AMY2B: variants seen among roughly 807,000 people sequenced by gnomAD.
The protein encoded by AMY2B is amylase alpha 2B.
In AMY2B, 63 loss-of-function variants were observed where a neutral mutation model predicts 59.3. The ratio of observed to expected loss-of-function variants is 1.06; its 90% CI spans 0.87 to 1.31. The LOEUF is 1.31. Ranked by LOEUF, AMY2B falls within the 50% of genes most tolerant of loss-of-function variation. The pLI is 0.00. For missense variants in AMY2B, 635 were observed against 626.7 expected (o/e 1.01, Z -0.14); for synonymous variants, 180 against 198.1 (o/e 0.91, Z 0.77).
upstream of AMY2B, chr1:103,569,633 C>A (rs1038835859): frequency 2.5e-6 from 1 of 401,432 alleles, no homozygotes; most frequent in East Asian, 7.9e-5. Flanking sequence ...ACGACAACCC[C>A]CAGCCATGTT....
intron 1 of AMY2B, among the ~76,000 whole-genome samples, chr1:103,560,080 C>G (rs1187182701): frequency 6.6e-6 from 1 of 152,052 alleles, no homozygotes; most frequent in East Asian, 1.9e-4. Context: ...TTAAAAGACT[C>G]AACTTCTGAC....
intron 2 of AMY2B, 92 bp downstream of exon 2, chr1:103,572,348 TA>T (rs1434342528): frequency 2.9e-5 from 44 of 1,529,352 alleles, no homozygotes; most frequent in Non-Finnish European, 3.8e-5. Flanking sequence ...AAGTTTTCCA[TA>T]TTTTATTTTT....
At chr1:103,564,871 C>T (rs190780329) in intron 1 of AMY2B, among the ~76,000 whole-genome samples, 43 of 152,132 alleles carry the variant, frequency 2.8e-4, no homozygotes, top group Admixed American at 2.0e-3. Flanking sequence ...CCATATTCAT[C>T]GGTTTCTCTA....
At chr1:103,571,893 T>A in intron 1 of AMY2B, 123 bp downstream of exon 1, 3 of 1,587,866 alleles carry the variant, frequency 1.9e-6, no homozygotes, top group Non-Finnish European at 1.7e-6. Context: ...AGTAAGAGTT[T>A]TCTGAGGAAA....
At chr1:103,577,080 T>G (rs570395492) in intron 7 of AMY2B, among the ~76,000 whole-genome samples, 1 of 152,126 alleles carries the variant, frequency 6.6e-6, no homozygotes, top group African/African-American at 2.4e-5. Context: ...ACTGAAAATT[T>G]TTTAAAAATT....
intron 1 of AMY2B, among the ~76,000 whole-genome samples, chr1:103,563,077 T>TG (rs1651787091): frequency 6.6e-6 from 1 of 152,068 alleles, no homozygotes; most frequent in African/African-American, 2.4e-5. Context: ...ACTGGCTAAT[T>TG]TTGAGTTAAT....
chr1:103,576,534 C>G (rs1652360894), intron 7 of AMY2B, among the ~76,000 whole-genome samples: 1 of 152,102 alleles, frequency 6.6e-6, no homozygotes, highest in Non-Finnish European at 1.5e-5. Context: ...CACCATATGA[C>G]ATAATTCTAA....
At chr1:103,557,008 C>G (rs548805385) in intron 1 of AMY2B, among the ~76,000 whole-genome samples, 1 of 151,896 alleles carries the variant, frequency 6.6e-6, no homozygotes, top group African/African-American at 2.4e-5. Flanking sequence ...CTAAGAGATA[C>G]AACTGATGAT....
chr1:103,572,379 TA>T lies in AMY2B; in HGVS notation c.315+127del, dbSNP rs1482413838. ...ATTTTTTTAATTTTACTTCATACTTTAAAACTCAAAATTAACCGTTGCCTTA... is the reference window on the plus strand; with the variant it reads ...ATTTTTTTAATTTTACTTCATACTTTAAACTCAAAATTAACCGTTGCCTTA... On this transcript the variant is annotated intron_variant, in intron 2 of 9. Transcript: ENST00000684275. 17 of 1,476,026 alleles carry T rather than the reference TA, an allele frequency of 1.2e-5. No individual in the cohort carries two copies. In the Admixed American group the frequency reaches 4.0e-4, roughly 35 times the overall value. 91.4% of individuals were successfully genotyped at this position (1,476,026 alleles called of 1,614,324 possible).
intron 7 of AMY2B, among the ~76,000 whole-genome samples, chr1:103,576,672 T>G (rs748178449): frequency 3.3e-5 from 5 of 152,214 alleles, no homozygotes; most frequent in Non-Finnish European, 2.9e-5. Flanking sequence ...TGTATTGTTT[T>G]GTACAATTAT....
intron 7 of AMY2B, among the ~76,000 whole-genome samples, chr1:103,576,071 G>C (rs1652341622): frequency 6.6e-6 from 1 of 152,136 alleles, no homozygotes; most frequent in African/African-American, 2.4e-5. Flanking sequence ...AGTATTCCAA[G>C]AAAGGTAAGA....
chr1:103,575,635 CA>C (rs1652323742), intron 7 of AMY2B, 95 bp downstream of exon 7: 1 of 1,529,332 alleles, frequency 6.5e-7, no homozygotes, highest in African/African-American at 1.4e-5. Flanking sequence ...ATATATTCAA[CA>C]AATAATTGAT....
chr1:103,564,983 T>C (rs1651858564), intron 1 of AMY2B: 1 of 152,104 alleles, frequency 6.6e-6, no homozygotes, highest in Non-Finnish European at 1.5e-5. Context: ...ACTCTTTATA[T>C]TCTCTATTCT....
At chr1:103,576,438 A>G (rs1652356751) in intron 7 of AMY2B, among the ~76,000 whole-genome samples, 1 of 152,174 alleles carries the variant, frequency 6.6e-6, no homozygotes, top group Admixed American at 6.6e-5. Flanking sequence ...TAAGGGTCAC[A>G]GAGTATTTTT....
intron 9 of AMY2B, among the ~76,000 whole-genome samples, chr1:103,579,095 A>G (rs1464104465): frequency 1.3e-5 from 2 of 152,114 alleles, no homozygotes; most frequent in Admixed American, 1.3e-4. Flanking sequence ...TTTTGGTAAT[A>G]TTTTCACTAC....
At chr1:103,576,468 C>T (rs1652358360) in intron 7 of AMY2B, among the ~76,000 whole-genome samples, 1 of 152,100 alleles carries the variant, frequency 6.6e-6, no homozygotes, top group Non-Finnish European at 1.5e-5. Context: ...ATCACTATAA[C>T]TTTTCCACTT....
In AMY2B at chr1:103,577,834, C is replaced by T. The variant is rs756981688; in HGVS notation, c.1335C>T (p.Asn445=). ...GRGNRGFIVF[N]NDDWTFSLTL... is the part of the protein sequence containing the mutation. ...GAAACAGAGGATTCATTGTTTTCAA[C>T]AATGATGACTGGTAAGTACATATCA... is the stretch of plus-strand genomic sequence containing the variant. Residue 445 remains asparagine (N), a synonymous_variant, in exon 9 of 10, where the codon AAC becomes AAT. Transcript: ENST00000684275. The T allele has an allele frequency of 1.6e-4, 261 of 1,602,902 alleles. No homozygotes were observed. The highest frequency in any genetic ancestry group is 2.1e-4 in the Non-Finnish European group (245 of 1,179,692).
upstream of AMY2B, chr1:103,571,221 C>T: frequency 1.5e-6 from 1 of 655,786 alleles, no homozygotes; most frequent in Non-Finnish European, 2.1e-6. Context: ...TGCATTTATA[C>T]CTATAAATGT....
intron 1 of AMY2B, among the ~76,000 whole-genome samples, chr1:103,555,415 T>C (rs1651517978): frequency 6.6e-6 from 1 of 152,040 alleles, no homozygotes; most frequent in Non-Finnish European, 1.5e-5. Flanking sequence ...TTGTTTTTTG[T>C]AATTATTTTA....
Sources: allele counts gnomAD v4.1 joint callset (sites outside exome capture counted in the v4.1 genomes callset), GRCh38; gene constraint gnomAD v4.1.1; transcripts MANE v1.5; gene names NCBI Gene and HGNC (gene_info 2026-07-23, HGNC 2026-07-21).